The following DST variants were observed in gnomAD, a reference collection of about 807,000 sequenced individuals.
DST encodes the protein dystonin.
DST carries 253 observed loss-of-function variants against 875.2 expected under a neutral mutation model. The observed-to-expected ratio is 0.29, with a 90% CI of 0.26 to 0.32. The LOEUF (loss-of-function observed/expected upper bound fraction) is 0.32, where lower values mean the gene tolerates loss of function less well. Ranked by LOEUF, DST falls within the 10% of genes least tolerant of loss-of-function variation. The probability of loss-of-function intolerance (pLI) is 1.00; values close to 1 mark genes in which losing one functional copy is unlikely to be tolerated. For missense variants in DST, 8,287 were observed against 9,111.6 expected (o/e 0.91, Z 3.68); for synonymous variants, 3,124 against 3,197.1 (o/e 0.98, Z 0.77).
intron 62 of DST, among the ~76,000 whole-genome samples, chr6:56,535,667 G>T (rs1311035531): frequency 1.3e-5 from 2 of 152,264 alleles, no homozygotes; most frequent in East Asian, 3.9e-4. Context: ...AAATATCAGA[G>T]ATAATGATTT....
chr6:56,508,218 G>C (rs2096386486), intron 75 of DST, among the ~76,000 whole-genome samples: 1 of 152,108 alleles, frequency 6.6e-6, no homozygotes, highest in Non-Finnish European at 1.5e-5. Flanking sequence ...ACTTTTAGTA[G>C]AGACAGGGTT....
At chr6:56,744,670 C>A (rs939901119) in intron 4 of DST, among the ~76,000 whole-genome samples, 3 of 152,150 alleles carry the variant, frequency 2.0e-5, no homozygotes, top group Non-Finnish European at 4.4e-5. Flanking sequence ...CACCACCCTG[C>A]AGAATCCCAT....
At chr6:56,948,954 C>T (rs968934119) in intron 2 of DST, among the ~76,000 whole-genome samples, 18 of 152,174 alleles carry the variant, frequency 1.2e-4, no homozygotes, top group Admixed American at 1.2e-3. Flanking sequence ...AGTCATAATA[C>T]AAAATCTAAG....
intron 10 of DST, among the ~76,000 whole-genome samples, chr6:56,657,688 A>G (rs1004984235): frequency 2.0e-5 from 3 of 152,212 alleles, no homozygotes; most frequent in Non-Finnish European, 4.4e-5. Flanking sequence ...AAGTAAATGT[A>G]CTTAATGCCA....
intron 47 of DST, 141 bp from the exon 48 acceptor site, chr6:56,594,334 C>T (rs1192174969): frequency 1.7e-6 from 1 of 593,830 alleles, no homozygotes; most frequent in Non-Finnish European, 2.8e-6. Flanking sequence ...TCAAGCTATA[C>T]CGTACTCCCT....
At position 56,605,084 on chromosome 6, in the gene DST, T is replaced by A; in HGVS notation, c.9544A>T (p.Thr3182Ser). 6.2e-7 allele frequency: 1 copy of A among 1,612,800 alleles called. No homozygotes were observed. The highest frequency in any genetic ancestry group is 8.5e-7 in the Non-Finnish European group (1 of 1,179,308). ...TTTTTAGCACAATGTTTTAAGTAAGTAAACAGATCAAGCTCTTTCTCAGGT... is the reference window on the plus strand; with the variant it reads ...TTTTTAGCACAATGTTTTAAGTAAGAAAACAGATCAAGCTCTTTCTCAGGT... Reference protein sequence around the residue: ...DGPEKELDLFTYLKHCAKNIK... With the variant: ...DGPEKELDLFSYLKHCAKNIK... The change falls in exon 40 of 104, where the codon ACT becomes TCT. Residue 3182 changes from threonine (T) to serine (S), a missense_variant. This residue lies in a region of DST where 3,138 missense variants were observed against 3,116.6 expected (regional missense o/e 1.01). Transcript: ENST00000680361.
intron 4 of DST, among the ~76,000 whole-genome samples, chr6:56,838,123 G>T (rs530563918): frequency 6.6e-6 from 1 of 152,202 alleles, no homozygotes; most frequent in African/African-American, 2.4e-5. Context: ...TGAAACAGAA[G>T]CATCTGTGTT....
chr6:56,595,607 C>T (rs1222090654), intron 47 of DST, among the ~76,000 whole-genome samples: 3 of 152,096 alleles, frequency 2.0e-5, no homozygotes, highest in Admixed American at 6.5e-5. Flanking sequence ...ATGGGGCAGC[C>T]GTTCACTTGT....
At chr6:56,857,917 C>A (rs2127588017) in intron 3 of DST, among the ~76,000 whole-genome samples, 1 of 152,302 alleles carries the variant, frequency 6.6e-6, no homozygotes, top group Middle Eastern at 3.4e-3. Flanking sequence ...GGAAAATGTG[C>A]TTAACTCCTT....
intron 4 of DST, among the ~76,000 whole-genome samples, chr6:56,743,037 T>C (rs1460799287): frequency 6.6e-6 from 1 of 152,182 alleles, no homozygotes; most frequent in Non-Finnish European, 1.5e-5. Context: ...TCTAAACGTT[T>C]ATGTCATCAA....
chr6:56,946,693 A>G lies in DST; in HGVS notation c.216+7092T>C, dbSNP rs142507775. Among the ~76,000 whole-genome samples, 288 of 152,350 alleles carry G rather than the reference A, an allele frequency of 1.9e-3. 2 individuals are homozygous for G. Among genetic ancestry groups the G allele is most frequent in the African/African-American group, 6.1e-3 (255 of 41,578 alleles). On this transcript the variant is annotated intron_variant, in intron 2 of 103. Transcript: ENST00000680361. ...AGATGCCAGTTAGTTCGTAGGTGCA[A>G]TAAGTTTAAGGAGCTATTACTTGAT...
intron 61 of DST, among the ~76,000 whole-genome samples, chr6:56,538,964 A>G (rs1224141553): frequency 6.6e-6 from 1 of 152,168 alleles, no homozygotes; most frequent in Non-Finnish European, 1.5e-5. Context: ...TTTCTAAGTT[A>G]TAACTTCCAG....
intron 98 of DST, among the ~76,000 whole-genome samples, chr6:56,467,767 C>A (rs1173785668): frequency 6.6e-6 from 1 of 152,134 alleles, no homozygotes; most frequent in African/African-American, 2.4e-5. Context: ...AGACAACTAA[C>A]ATCATCTTCA....
At chr6:56,614,811 A>G (rs775471321) in intron 36 of DST, 15 of 1,008,246 alleles carry the variant, frequency 1.5e-5, no homozygotes, top group Non-Finnish European at 1.8e-5. Context: ...TTGCATTAGC[A>G]TTACAATCCT....
chr6:56,458,906 C>G lies in DST; in HGVS notation c.*99G>C. Reference sequence around the variant, plus strand: ...GGCCATCTGCAGAATTTTAAACTCGCCTCTTGCAATATTTCACAAGAATTT... The same window carrying G: ...GGCCATCTGCAGAATTTTAAACTCGGCTCTTGCAATATTTCACAAGAATTT... On this transcript the variant is annotated 3_prime_UTR_variant, in exon 104 of 104. Transcript: ENST00000680361. 1 of 1,285,036 alleles carries G rather than the reference C, an allele frequency of 7.8e-7. No individual in the cohort carries two copies. Among genetic ancestry groups the G allele is most frequent in the Non-Finnish European group, 1.0e-6 (1 of 963,170 alleles). 79.6% of individuals were successfully genotyped at this position (1,285,036 alleles called of 1,614,324 possible).
rs1469052394 is a variant in DST, at chr6:56,610,550, T to C, written c.5160A>G (p.Glu1720=). ...LAKHGDKMTD[E]ERNELEKQVK... is the part of the protein sequence containing the mutation. ...CTTGTTTTTCCAATTCATTTCTTTC[T>C]TCATCTGTCATTCTAAATAACCAGA... is the stretch of plus-strand genomic sequence containing the variant. The change falls in exon 39 of 104, where the codon GAA becomes GAG. Residue 1720 remains glutamate (E), a synonymous_variant. Transcript: ENST00000680361. 1 of 1,576,784 alleles carries C rather than the reference T, an allele frequency of 6.3e-7. No individual in the cohort carries two copies. Among genetic ancestry groups the C allele is most frequent in the Non-Finnish European group, 8.6e-7 (1 of 1,162,672 alleles).
In DST at chr6:56,594,130, C is replaced by T. The variant is rs772576275; in HGVS notation, c.12259G>A (p.Val4087Met). 2 of 1,594,352 alleles carry T rather than the reference C, an allele frequency of 1.3e-6. No individual in the cohort carries two copies. Among genetic ancestry groups the T allele is most frequent in the African/African-American group, 1.4e-5 (1 of 73,950 alleles). Residue 4087 changes from valine (V) to methionine (M), a missense_variant, in exon 48 of 104, where the codon GTG (valine) becomes ATG (methionine). Val to Met is a conservative substitution (Grantham distance 21, BLOSUM62 1). Coordinates refer to ENST00000680361, the MANE Select transcript of DST (RefSeq NM_001374736.1). ...TACTGACCCTGTTTCTCAAGCAACA[C>T]TTGTGCAGACTGAGTGGCTATGATC... The part of the protein sequence containing the change: ...AVIIATQSAQ[V>M]LLEKQGQYLS...
intron 69 of DST, 70 bp downstream of exon 69, chr6:56,526,291 T>G (rs1434690575): frequency 6.8e-7 from 1 of 1,465,100 alleles, no homozygotes. Flanking sequence ...CAGTCATCTT[T>G]GTTCAGGTAA....
intron 3 of DST, among the ~76,000 whole-genome samples, chr6:56,889,588 A>G (rs1436528139): frequency 6.6e-6 from 1 of 152,244 alleles, no homozygotes; most frequent in Non-Finnish European, 1.5e-5. Context: ...AGAAAGTCTC[A>G]AAGATTCTAA....
Sources: gnomAD v4.1 joint callset for allele counts (sites outside exome capture counted in the v4.1 genomes callset) on GRCh38, gnomAD v4.1.1 for gene constraint, gnomAD v4.1.1 regional missense constraint, MANE v1.5 for transcripts, NCBI Gene and HGNC (gene_info 2026-07-23, HGNC 2026-07-21) for gene names.